C17orf75: variants seen among roughly 807,000 people sequenced by gnomAD.
C17orf75 encodes the protein protein Njmu-R1.
A neutral mutation model predicts 49.6 loss-of-function variants in C17orf75; 32 were observed. The ratio of observed to expected loss-of-function variants is 0.65; its 90% confidence interval spans 0.49 to 0.87. The LOEUF (loss-of-function observed/expected upper bound fraction) is 0.87. Among genes scored for constraint, C17orf75 ranks in the 40% least tolerant of loss-of-function variants. The probability of loss-of-function intolerance (pLI) is 0.00; values close to 1 mark genes in which losing one functional copy is unlikely to be tolerated. For synonymous variants in C17orf75, 158 were observed against 159.5 expected, an observed-to-expected ratio of 0.99 and a Z score of 0.07; for missense variants, 428 against 473.9, an observed-to-expected ratio of 0.90 and a Z score of 0.90.
intron 7 of C17orf75, 52 bp from the exon 8 acceptor site, chr17:32,334,657 T>G: frequency 6.3e-7 from 1 of 1,597,866 alleles, no homozygotes; most frequent in Non-Finnish European, 8.5e-7. Context: ...GACGGAAGGA[T>G]GAAAACAAAT....
chr17:32,346,249 A>G (rs1317739935), upstream of C17orf75, among the ~76,000 whole-genome samples: 3 of 151,848 alleles, frequency 2.0e-5, no homozygotes, highest in East Asian at 5.8e-4. Flanking sequence ...GCGAGACCTT[A>G]CCTCTACAAA....
At chr17:32,340,491 A>G (rs1264645153) in intron 2 of C17orf75, among the ~76,000 whole-genome samples, 2 of 151,938 alleles carry the variant, frequency 1.3e-5, no homozygotes, top group Non-Finnish European at 2.9e-5. Flanking sequence ...AAAAATACAA[A>G]AAAATTAGCC....
chr17:32,344,956 C>A (rs796831404), upstream of C17orf75, among the ~76,000 whole-genome samples: 5 of 151,776 alleles, frequency 3.3e-5, no homozygotes, highest in East Asian at 1.9e-4. Context: ...GTAATAGAGT[C>A]CCCCCCAACA....
chr17:32,340,631 G>A (rs2041369885), intron 2 of C17orf75, among the ~76,000 whole-genome samples: 1 of 150,256 alleles, frequency 6.7e-6, no homozygotes, highest in South Asian at 2.1e-4. Flanking sequence ...GGCAACAGAG[G>A]GAGACTCTGT....
chr17:32,345,572 C>T (rs1344040410), upstream of C17orf75, among the ~76,000 whole-genome samples: 1 of 151,028 alleles, frequency 6.6e-6, no homozygotes, highest in Non-Finnish European at 1.5e-5. Flanking sequence ...TGGCTCACAC[C>T]TGTAATCCCA....
Position 32,333,447 on chromosome 17 carries a change from G to C in C17orf75, c.945C>G (p.Phe315Leu). The C allele has an allele frequency of 6.2e-7, 1 of 1,612,944 alleles. No homozygotes were observed. Among genetic ancestry groups the C allele is most frequent in the Non-Finnish European group, 8.5e-7 (1 of 1,179,598 alleles). Residue 315 changes from phenylalanine (F) to leucine (L), a missense_variant, in exon 9 of 10, where the codon TTC becomes TTG. By Grantham distance (22) the Phe-to-Leu change is conservative (BLOSUM62 0). Coordinates refer to ENST00000577809, the MANE Select transcript of C17orf75 (RefSeq NM_022344.4). ...GTTTAAAGTTCTCCAGTACTTGTCG[G>C]AAAAGAAAAGGGTTACCTCCTTTGG... is the stretch of plus-strand genomic sequence containing the variant. ...NGAKGGNPFL[F>L]RQVLENFKLK...
At chr17:32,339,973 G>T in intron 2 of C17orf75, 35 bp from the exon 3 acceptor site, 1 of 1,611,328 alleles carries the variant, frequency 6.2e-7, no homozygotes, top group African/African-American at 1.3e-5. Context: ...CTTTACCAGT[G>T]GACTAGGGTA....
intron 5 of C17orf75, 43 bp downstream of exon 5, chr17:32,337,854 G>T (rs377685302): frequency 8.9e-5 from 139 of 1,554,492 alleles, no homozygotes; most frequent in Non-Finnish European, 1.1e-4. Flanking sequence ...ACTGAGCCTG[G>T]CCCCATTTCA....
chr17:32,347,228 T>C (rs796430040), intron 1 of C17orf75, among the ~76,000 whole-genome samples: 4 of 152,304 alleles, frequency 2.6e-5, no homozygotes, highest in East Asian at 1.9e-4. Context: ...CCCAAAGTGC[T>C]GGGATTACAG....
In C17orf75 at chr17:32,349,935, AGCGTACCTGG is replaced by A. The variant is rs1459345666; in HGVS notation, c.-10_-7+6del. The A allele has an allele frequency of 3.6e-6, 4 of 1,112,878 alleles. No homozygotes were observed. The East Asian group carries it at 1.9e-4, about 52-fold the overall frequency. The allele number at this position is 1,112,878 out of a possible 1,614,324, so 68.9% of individuals were successfully genotyped here. A position where few individuals can be genotyped will look rare whatever the true frequency, so the allele number is the denominator to read the frequency against. On this transcript the variant is annotated splice_donor_variant and splice_donor_5th_base_variant and 5_prime_UTR_variant and intron_variant, in exon 1 of 9. Coordinates refer to the C17orf75 transcript ENST00000583774. LOFTEE classifies it low-confidence loss of function (5UTR_SPLICE). Reference sequence around the variant, plus strand: ...TCTGTTTTCCATTCGCATGCCCCTTAGCGTACCTGGGGCTCCGGCTCCTTTACAAATGAAA... The same window carrying A: ...TCTGTTTTCCATTCGCATGCCCCTTAGGCTCCGGCTCCTTTACAAATGAAA...
Position 32,333,481 on chromosome 17 carries a change from A to G in C17orf75, c.911T>C (p.Leu304Ser). 1 of 1,613,436 alleles carries G rather than the reference A, an allele frequency of 6.2e-7. No individual in the cohort carries two copies. The highest frequency in any genetic ancestry group is 1.1e-5 in the South Asian group (1 of 90,934). ...AGGGTTACCTCCTTTGGCACCATTT[A>G]AAAAAGCTTGCATCCAATCCTCACA... ...RFCEDWMQAF[L>S]NGAKGGNPFL... Residue 304 changes from leucine (L) to serine (S), a missense_variant, in exon 9 of 10, where the codon TTA becomes TCA. Transcript: ENST00000577809.
At chr17:32,337,842 C>G (rs748130907) in intron 5 of C17orf75, 55 bp downstream of exon 5, 55 of 1,495,898 alleles carry the variant, frequency 3.7e-5, no homozygotes, top group Non-Finnish European at 4.9e-5. Context: ...CAGGCGTGAG[C>G]CACTGAGCCT....
intron 2 of C17orf75, 97 bp downstream of exon 2, chr17:32,341,107 A>G: frequency 1.5e-6 from 2 of 1,298,488 alleles, no homozygotes; most frequent in Non-Finnish European, 2.2e-6. Context: ...TGACTCAGGG[A>G]AAGCTCAGTG....
At chr17:32,339,499 A>G (rs554983084) in intron 3 of C17orf75, among the ~76,000 whole-genome samples, 1 of 151,514 alleles carries the variant, frequency 6.6e-6, no homozygotes, top group South Asian at 2.1e-4. Context: ...AGGTGAGAGG[A>G]TTGATTAAGC....
intron 1 of C17orf75, among the ~76,000 whole-genome samples, chr17:32,347,423 C>T (rs1040127524): frequency 6.6e-6 from 1 of 151,870 alleles, no homozygotes; most frequent in Non-Finnish European, 1.5e-5. Flanking sequence ...GGATTACAGG[C>T]GCCCGCCACC....
intron 1 of C17orf75, chr17:32,341,704 C>T: frequency 6.2e-6 from 4 of 648,800 alleles, no homozygotes; most frequent in Non-Finnish European, 8.0e-6. Context: ...ATTGAGCATG[C>T]GGGGCACTGC....
intron 5 of C17orf75, among the ~76,000 whole-genome samples, chr17:32,336,425 GCTGGCCTTGAACTC>G (rs2041326559): frequency 6.6e-6 from 1 of 152,128 alleles, no homozygotes; most frequent in African/African-American, 2.4e-5. Context: ...TGTTGCCCAG[GCTGGCCTTGAACTC>G]CTGGGCTCAA....
chr17:32,348,666 A>C (rs1382905861), intron 1 of C17orf75, among the ~76,000 whole-genome samples: 1 of 152,168 alleles, frequency 6.6e-6, no homozygotes, highest in Non-Finnish European at 1.5e-5. Context: ...GCACTGGTGG[A>C]CTATGAACCC....
chr17:32,343,287 T>C (rs1175903664), upstream of C17orf75, among the ~76,000 whole-genome samples: 1 of 150,122 alleles, frequency 6.7e-6, no homozygotes, highest in Non-Finnish European at 1.5e-5. Flanking sequence ...CGTGTGTGTG[T>C]GCATGCGTGT....
Sources: allele counts gnomAD v4.1 joint callset (sites outside exome capture counted in the v4.1 genomes callset), GRCh38; gene constraint gnomAD v4.1.1; transcripts MANE v1.5; gene names NCBI Gene and HGNC (gene_info 2026-07-23, HGNC 2026-07-21).